Variants in MAN2A1 observed in about 807,000 individuals in gnomAD.
MAN2A1 encodes the protein alpha-mannosidase 2.
In MAN2A1, 76 loss-of-function variants were observed where a neutral mutation model predicts 142.6. The ratio of observed to expected loss-of-function variants is 0.53; its 90% CI spans 0.44 to 0.65. The LOEUF (loss-of-function observed/expected upper bound fraction) is 0.65. MAN2A1 is among the 30% of genes least tolerant of loss of function. MAN2A1 has a pLI of 0.00. For synonymous variants in MAN2A1, 559 were observed against 473.2 expected (o/e 1.18, Z -2.35); for missense variants, 1,311 against 1,365.1 (o/e 0.96, Z 0.62).
chr5:109,791,293 G>T (rs2112681444), intron 12 of MAN2A1, among the ~76,000 whole-genome samples: 1 of 151,916 alleles, frequency 6.6e-6, no homozygotes, highest in South Asian at 2.1e-4. Context: ...ATAGGTTAGG[G>T]CTTCTTAGAT....
chr5:109,795,837 C>T (rs770838357), intron 12 of MAN2A1, among the ~76,000 whole-genome samples: 22 of 152,194 alleles, frequency 1.4e-4, no homozygotes, highest in South Asian at 4.1e-4. Flanking sequence ...TTCCTCCCTG[C>T]CTAAGGTCTC....
chr5:109,867,303 G>C lies in MAN2A1; in HGVS notation c.*305G>C, dbSNP rs997677801. On this transcript the variant is annotated 3_prime_UTR_variant, in exon 22 of 22. Transcript: ENST00000261483. ...AGCCTCTCAACAGATTGTATCTCAG[G>C]TTAAATGCTAACTAATTATGTCTGT... The C allele has an allele frequency of 5.4e-6, 1 of 186,780 alleles. No individual in the cohort carries two copies. Among genetic ancestry groups the C allele is most frequent in the Non-Finnish European group, 1.1e-5 (1 of 91,090 alleles). 11.6% of individuals were successfully genotyped at this position (186,780 alleles called of 1,614,324 possible).
chr5:109,819,298 C>T (rs73223231), intron 13 of MAN2A1, among the ~76,000 whole-genome samples: 12,801 of 152,130 alleles, frequency 0.084, 631 homozygotes, highest in African/African-American at 0.15. Context: ...ACGATATTTT[C>T]AAATTCTAAT....
chr5:109,800,858 G>A (rs1343873507), intron 12 of MAN2A1, among the ~76,000 whole-genome samples: 6 of 152,182 alleles, frequency 3.9e-5, no homozygotes, highest in Non-Finnish European at 8.8e-5. Context: ...ATTGGAGGTG[G>A]AGAGAGTGAA....
chr5:109,807,426 G>A (rs975512158), intron 12 of MAN2A1, among the ~76,000 whole-genome samples: 2 of 152,122 alleles, frequency 1.3e-5, no homozygotes, highest in Non-Finnish European at 2.9e-5. Context: ...AGTTTTGGGG[G>A]TCAGAAGTTC....
At chr5:109,704,601 T>G (rs958206800) in intron 1 of MAN2A1, among the ~76,000 whole-genome samples, 4 of 152,144 alleles carry the variant, frequency 2.6e-5, no homozygotes, top group Non-Finnish European at 5.9e-5. Flanking sequence ...GAGTGGGCGC[T>G]TGGAGGGTTA....
At chr5:109,839,831 C>T (rs1269471109) in intron 16 of MAN2A1, among the ~76,000 whole-genome samples, 1 of 151,790 alleles carries the variant, frequency 6.6e-6, no homozygotes, top group South Asian at 2.1e-4. Context: ...AGGCTTCAGC[C>T]CATTTAAGTG....
At chr5:109,795,304 G>A (rs1245911235) in intron 12 of MAN2A1, among the ~76,000 whole-genome samples, 2 of 152,062 alleles carry the variant, frequency 1.3e-5, no homozygotes, top group East Asian at 3.9e-4. Flanking sequence ...GCATTTCTAT[G>A]TATTTTATGA....
intron 9 of MAN2A1, among the ~76,000 whole-genome samples, chr5:109,784,121 A>G (rs1467750417): frequency 6.6e-6 from 1 of 152,178 alleles, no homozygotes; most frequent in Non-Finnish European, 1.5e-5. Flanking sequence ...TGCTAGGATT[A>G]CAGGCATAAG....
chr5:109,842,449 A>C lies in MAN2A1; in HGVS notation c.2688A>C (p.Leu896=). The C allele has an allele frequency of 1.3e-6, 2 of 1,557,294 alleles. No individual in the cohort carries two copies. Among genetic ancestry groups the C allele is most frequent in the Non-Finnish European group, 1.8e-6 (2 of 1,140,280 alleles). Residue 896 remains leucine, a synonymous_variant, in exon 17 of 22, where the codon CTA becomes CTC. Coordinates refer to ENST00000261483, the MANE Select transcript of MAN2A1 (RefSeq NM_002372.4). ...IKSQNRFYTD[L]NGYQIQPRMT... is the part of the protein sequence containing the mutation. ...GCCAAAATAGATTTTATACTGACCT[A>C]AATGGGTACCAGGTAATTTTTCCTT...
chr5:109,762,360 CTT>C (rs2112638081), intron 5 of MAN2A1, among the ~76,000 whole-genome samples: 1 of 152,206 alleles, frequency 6.6e-6, no homozygotes. Context: ...TTTCCTCTTT[CTT>C]TGCTCCTTTT....
intron 12 of MAN2A1, 150 bp downstream of exon 12, chr5:109,789,677 G>A: frequency 1.7e-6 from 1 of 574,214 alleles, no homozygotes; most frequent in Non-Finnish European, 3.1e-6. Context: ...TCATGACTGT[G>A]TTATGCTCAG....
At chr5:109,846,303 C>T (rs1241033840) in intron 18 of MAN2A1, among the ~76,000 whole-genome samples, 1 of 152,194 alleles carries the variant, frequency 6.6e-6, no homozygotes, top group East Asian at 1.9e-4. Flanking sequence ...TCTCCATCAT[C>T]ATTATGATTT....
In MAN2A1 at chr5:109,690,568, G is replaced by A. The variant is rs200261447; in HGVS notation, c.135+16G>A. 24 of 1,578,932 alleles carry A rather than the reference G, an allele frequency of 1.5e-5. No homozygotes were observed. Among genetic ancestry groups the A allele is most frequent in the Non-Finnish European group, 2.1e-5 (24 of 1,163,016 alleles). On this transcript the variant is annotated intron_variant, in intron 1 of 21. Coordinates refer to ENST00000261483, the MANE Select transcript of MAN2A1 (RefSeq NM_002372.4). ...CTTCCCTCAGGTAAGCACCTGGGAAGGGGGCGCGGGGCTCCGAGGGGCCAG... is the reference window on the plus strand; with the variant it reads ...CTTCCCTCAGGTAAGCACCTGGGAAAGGGGCGCGGGGCTCCGAGGGGCCAG...
At chr5:109,720,760 C>T (rs941303748) in intron 3 of MAN2A1, among the ~76,000 whole-genome samples, 2 of 152,190 alleles carry the variant, frequency 1.3e-5, no homozygotes, top group African/African-American at 4.8e-5. Flanking sequence ...CGTCCTGGGC[C>T]ACATGCAGCC....
intron 16 of MAN2A1, among the ~76,000 whole-genome samples, chr5:109,828,961 G>C (rs1250983577): frequency 6.6e-6 from 1 of 152,038 alleles, no homozygotes; most frequent in Non-Finnish European, 1.5e-5. Flanking sequence ...CCTGACTCTT[G>C]GCTTTTAGAG....
chr5:109,759,033 C>T (rs999725835), intron 5 of MAN2A1, among the ~76,000 whole-genome samples: 2 of 151,944 alleles, frequency 1.3e-5, no homozygotes, highest in Non-Finnish European at 2.9e-5. Flanking sequence ...CTGCAACTTC[C>T]GTTCTTTTTT....
chr5:109,744,889 ATTG>A (rs1752358291), intron 4 of MAN2A1, among the ~76,000 whole-genome samples: 1 of 152,212 alleles, frequency 6.6e-6, no homozygotes, highest in Non-Finnish European at 1.5e-5. Flanking sequence ...GGATTAAAAA[ATTG>A]TTGTATATTC....
At chr5:109,738,769 A>G (rs1474760594) in intron 4 of MAN2A1, among the ~76,000 whole-genome samples, 5 of 152,036 alleles carry the variant, frequency 3.3e-5, no homozygotes, top group African/African-American at 1.2e-4. Flanking sequence ...CTTTTATTTG[A>G]GACTTTGAGT....
Sources: allele counts gnomAD v4.1 joint callset (sites outside exome capture counted in the v4.1 genomes callset), GRCh38; gene constraint gnomAD v4.1.1; transcripts MANE v1.5; gene names NCBI Gene and HGNC (gene_info 2026-07-23, HGNC 2026-07-21).